The following LRRTM4 variants were observed in gnomAD, a reference collection of about 807,000 sequenced individuals.
The protein encoded by LRRTM4 is leucine-rich repeat transmembrane neuronal protein 4.
In LRRTM4, 25 loss-of-function variants were observed where a neutral mutation model predicts 47.6. The ratio of observed to expected loss-of-function variants is 0.53; its 90% confidence interval spans 0.38 to 0.73. The LOEUF (loss-of-function observed/expected upper bound fraction) is 0.73. Ranked by LOEUF, LRRTM4 falls within the 30% of genes least tolerant of loss-of-function variation. The pLI is 0.00. For synonymous variants in LRRTM4, 311 were observed against 269.5 expected, an observed-to-expected ratio of 1.15 and a Z score of -1.51; for missense variants, 638 against 713.4, an observed-to-expected ratio of 0.89 and a Z score of 1.20.
At chr2:77,159,718 G>A (rs1672658702) in intron 3 of LRRTM4, among the ~76,000 whole-genome samples, 1 of 151,918 alleles carries the variant, frequency 6.6e-6, no homozygotes, top group South Asian at 2.1e-4. Flanking sequence ...TAGAAAAGGT[G>A]GAAGAGGAGG....
At chr2:76,766,602 C>A (rs367880957) in intron 3 of LRRTM4, among the ~76,000 whole-genome samples, 1 of 152,214 alleles carries the variant, frequency 6.6e-6, no homozygotes, top group Non-Finnish European at 1.5e-5. Context: ...CTGGCTGATT[C>A]ATTTCTGTAA....
intron 3 of LRRTM4, among the ~76,000 whole-genome samples, chr2:77,000,708 G>A (rs113455770): frequency 0.014 from 2,159 of 152,266 alleles, 41 homozygotes; most frequent in African/African-American, 0.048. Context: ...GAACTCAAGA[G>A]TAGTAGAATG....
intron 3 of LRRTM4, among the ~76,000 whole-genome samples, chr2:76,921,773 G>A (rs1356853354): frequency 3.3e-5 from 5 of 151,826 alleles, no homozygotes; most frequent in Admixed American, 2.6e-4. Context: ...CTTACTTTCT[G>A]GAACTATAAG....
At chr2:77,450,604 T>C (rs975107937) in intron 3 of LRRTM4, among the ~76,000 whole-genome samples, 4 of 152,158 alleles carry the variant, frequency 2.6e-5, no homozygotes, top group Non-Finnish European at 4.4e-5. Flanking sequence ...TTGTTGCCTC[T>C]CTTTGTCTCT....
In LRRTM4 at chr2:77,207,469, G is replaced by C. The variant is rs567514910; in HGVS notation, c.1551+310849C>G. Among the ~76,000 whole-genome samples the C allele has an allele frequency of 2.0e-5, 3 of 150,472 alleles. No homozygotes were observed. The South Asian group carries it at 6.3e-4, about 31-fold the overall frequency. ...GGGACACACTTAGACATTACCTTCT[G>C]TTCTCCTTGTAGCATGTCATCAGAG... On this transcript the variant is annotated intron_variant, in intron 3 of 3. Coordinates refer to ENST00000409884, the MANE Select transcript of LRRTM4 (RefSeq NM_001134745.3).
intron 3 of LRRTM4, among the ~76,000 whole-genome samples, chr2:77,175,698 C>T (rs1157578480): frequency 6.6e-6 from 1 of 152,106 alleles, no homozygotes; most frequent in African/African-American, 2.4e-5. Flanking sequence ...CAGCCTCCAC[C>T]ATCATGATAG....
At chr2:76,953,717 C>G (rs1675572575) in intron 3 of LRRTM4, among the ~76,000 whole-genome samples, 1 of 151,786 alleles carries the variant, frequency 6.6e-6, no homozygotes, top group Admixed American at 6.6e-5. Flanking sequence ...GGATTAAATG[C>G]CTGGTTTGTG....
chr2:76,958,271 A>T (rs1182584310), intron 3 of LRRTM4, among the ~76,000 whole-genome samples: 3 of 151,794 alleles, frequency 2.0e-5, no homozygotes. Flanking sequence ...AATATGAACA[A>T]TAAAAAACTA....
intron 3 of LRRTM4, among the ~76,000 whole-genome samples, chr2:76,809,664 T>A (rs1191929671): frequency 1.3e-5 from 2 of 152,150 alleles, no homozygotes; most frequent in Non-Finnish European, 2.9e-5. Flanking sequence ...CTGCTTAGTG[T>A]CTGCCATGCC....
At chr2:76,950,080 C>T (rs1675448081) in intron 3 of LRRTM4, among the ~76,000 whole-genome samples, 1 of 151,780 alleles carries the variant, frequency 6.6e-6, no homozygotes, top group African/African-American at 2.4e-5. Context: ...AATGAATTCA[C>T]AAATTATGAA....
At chr2:76,982,592 G>A (rs1342241281) in intron 3 of LRRTM4, among the ~76,000 whole-genome samples, 1 of 151,982 alleles carries the variant, frequency 6.6e-6, no homozygotes, top group Non-Finnish European at 1.5e-5. Flanking sequence ...CAGACTGGGT[G>A]GTAGAATATG....
chr2:77,090,642 G>A (rs1670585796), intron 3 of LRRTM4, among the ~76,000 whole-genome samples: 1 of 152,046 alleles, frequency 6.6e-6, no homozygotes, highest in Non-Finnish European at 1.5e-5. Context: ...CCTCCCCCAG[G>A]AGCTTGCTAC....
chr2:77,355,286 C>T (rs977108154), intron 3 of LRRTM4, among the ~76,000 whole-genome samples: 2 of 152,044 alleles, frequency 1.3e-5, no homozygotes, highest in African/African-American at 4.8e-5. Flanking sequence ...AAATTAAGTA[C>T]AAATAATATA....
At chr2:76,809,956 C>T (rs1384468343) in intron 3 of LRRTM4, among the ~76,000 whole-genome samples, 1 of 152,272 alleles carries the variant, frequency 6.6e-6, no homozygotes, top group Non-Finnish European at 1.5e-5. Context: ...CCTGCCCTGA[C>T]CAACCTATAA....
At chr2:76,918,390 T>C in intron 3 of LRRTM4, among the ~76,000 whole-genome samples, 1 of 152,180 alleles carries the variant, frequency 6.6e-6, no homozygotes, top group East Asian at 1.9e-4. Context: ...TTAGATCAAA[T>C]CTCATATGTA....
chr2:76,921,301 T>A (rs1674425483), intron 3 of LRRTM4, among the ~76,000 whole-genome samples: 1 of 152,052 alleles, frequency 6.6e-6, no homozygotes, highest in South Asian at 2.1e-4. Context: ...TGGGGTTGTG[T>A]TTTTAGTAGG....
chr2:76,749,542 C>G (rs187257342), intron 3 of LRRTM4, among the ~76,000 whole-genome samples: 2 of 152,026 alleles, frequency 1.3e-5, no homozygotes, highest in African/African-American at 4.8e-5. Context: ...AATACTGGAC[C>G]AAAGAACTCT....
chr2:77,139,303 T>A (rs1186721521), intron 3 of LRRTM4, among the ~76,000 whole-genome samples: 1 of 152,172 alleles, frequency 6.6e-6, no homozygotes, highest in Non-Finnish European at 1.5e-5. Context: ...ATCCCTGGGA[T>A]GCAAGGCTGG....
At chr2:77,319,060 A>T (rs1677709902) in intron 3 of LRRTM4, among the ~76,000 whole-genome samples, 1 of 152,062 alleles carries the variant, frequency 6.6e-6, no homozygotes, top group South Asian at 2.1e-4. Flanking sequence ...GTTAATTATC[A>T]TGGGTATAGC....
Sources: allele counts gnomAD v4.1 joint callset (sites outside exome capture counted in the v4.1 genomes callset), GRCh38; gene constraint gnomAD v4.1.1; transcripts MANE v1.5; gene names NCBI Gene and HGNC (gene_info 2026-07-23, HGNC 2026-07-21).